Variants in SV2C observed in about 807,000 individuals in gnomAD.
The protein encoded by SV2C is synaptic vesicle glycoprotein 2C, also known as solute carrier family 22 member B3.
Under a neutral mutation model 79.7 loss-of-function variants are expected in SV2C, and 49 were observed. The ratio of observed to expected loss-of-function variants is 0.61; its 90% CI spans 0.49 to 0.78. The LOEUF (loss-of-function observed/expected upper bound fraction) is 0.78, where lower values mean the gene tolerates loss of function less well. Among genes scored for constraint, SV2C ranks in the 30% least tolerant of loss-of-function variants. The pLI is 0.00. For missense variants in SV2C, 833 were observed against 912.9 expected (o/e 0.91, Z 1.13); for synonymous variants, 334 against 333.2 (o/e 1.00, Z -0.03).
chr5:76,001,796 AC>A, the SV2C span, among the ~76,000 whole-genome samples: 1 of 152,136 alleles, frequency 6.6e-6, no homozygotes, highest in South Asian at 2.1e-4. Context: ...CCAGTCATGA[AC>A]CTTGTTTTTA....
At chr5:76,112,905 C>A (rs1024896670) in intron 1 of SV2C, among the ~76,000 whole-genome samples, 1 of 152,034 alleles carries the variant, frequency 6.6e-6, no homozygotes, top group Admixed American at 6.6e-5. Flanking sequence ...GGAGATAAGA[C>A]ACAAAAAAGC....
At chr5:76,182,293 T>G (rs1376181201) in intron 2 of SV2C, among the ~76,000 whole-genome samples, 1 of 152,142 alleles carries the variant, frequency 6.6e-6, no homozygotes, top group Non-Finnish European at 1.5e-5. Context: ...CCTCTTGTAT[T>G]TCTTTTATCA....
intron 12 of SV2C, among the ~76,000 whole-genome samples, chr5:76,320,724 G>A (rs1748800990): frequency 6.6e-6 from 1 of 152,146 alleles, no homozygotes; most frequent in Non-Finnish European, 1.5e-5. Context: ...AATTTCATTT[G>A]AAAGTAGTTA....
intron 4 of SV2C, among the ~76,000 whole-genome samples, chr5:76,223,440 C>CATAT (rs1226545104): frequency 2.8e-5 from 1 of 35,990 alleles, no homozygotes; most frequent in African/African-American, 9.7e-5. Context: ...TATATACATA[C>CATAT]ATACATATAT....
intron 1 of SV2C, among the ~76,000 whole-genome samples, chr5:76,113,512 T>C (rs950064650): frequency 2.6e-5 from 4 of 152,242 alleles, no homozygotes; most frequent in African/African-American, 9.6e-5. Context: ...ACTTGTAGTC[T>C]GATAGGGTGG....
At chr5:75,974,690 A>T in the SV2C span, among the ~76,000 whole-genome samples, 1 of 152,172 alleles carries the variant, frequency 6.6e-6, no homozygotes, top group Non-Finnish European at 1.5e-5. Context: ...ACATACGTGG[A>T]TAATAACAGA....
the SV2C span, among the ~76,000 whole-genome samples, chr5:76,071,243 A>C: frequency 6.6e-6 from 1 of 152,146 alleles, no homozygotes; most frequent in Non-Finnish European, 1.5e-5. Flanking sequence ...GCTTGATTTG[A>C]CTTTATGTCA....
chr5:75,994,305 G>A, the SV2C span, among the ~76,000 whole-genome samples: 2 of 152,072 alleles, frequency 1.3e-5, no homozygotes, highest in Non-Finnish European at 2.9e-5. Flanking sequence ...TGTCCCTGGA[G>A]GTACACAAAA....
the SV2C span, among the ~76,000 whole-genome samples, chr5:75,989,280 A>G: frequency 6.6e-6 from 1 of 151,578 alleles, no homozygotes; most frequent in African/African-American, 2.4e-5. Flanking sequence ...TCCATTAGCT[A>G]TTCTTCTTGA....
the SV2C span, among the ~76,000 whole-genome samples, chr5:75,900,390 C>T: frequency 1.3e-5 from 2 of 152,136 alleles, no homozygotes; most frequent in Admixed American, 1.3e-4. Flanking sequence ...TGAATATTGG[C>T]CCCCACTGTC....
At chr5:75,946,956 T>C in the SV2C span, among the ~76,000 whole-genome samples, 2 of 152,132 alleles carry the variant, frequency 1.3e-5, no homozygotes, top group African/African-American at 4.8e-5. Context: ...TGTTTTATTT[T>C]TGCATTTGTT....
At chr5:76,131,589 C>T (rs771279767) in intron 1 of SV2C, 61 bp from the exon 2 acceptor site, 75 of 451,444 alleles carry the variant, frequency 1.7e-4, no homozygotes, top group East Asian at 5.0e-4. Context: ...AAGAAATAGA[C>T]GGTAAAAAAT....
At chr5:76,266,193 A>G (rs549131436) in intron 4 of SV2C, among the ~76,000 whole-genome samples, 23 of 152,114 alleles carry the variant, frequency 1.5e-4, no homozygotes, top group African/African-American at 5.5e-4. Flanking sequence ...CACAGATTGT[A>G]GTTTATCCTT....
the SV2C span, among the ~76,000 whole-genome samples, chr5:76,052,118 A>G: frequency 7.9e-5 from 12 of 152,328 alleles, no homozygotes; most frequent in Non-Finnish European, 1.3e-4. Flanking sequence ...TGGGAGCTAT[A>G]TTAAAAACTG....
intron 12 of SV2C, among the ~76,000 whole-genome samples, chr5:76,312,866 A>G (rs1748501220): frequency 6.6e-6 from 1 of 152,234 alleles, no homozygotes; most frequent in Admixed American, 6.5e-5. Flanking sequence ...CACCCAGTGC[A>G]GTGGGATTGG....
In SV2C at chr5:76,260,380, C is replaced by T. The variant is rs192131243; in HGVS notation, c.914-24782C>T. 3.5e-3 allele frequency among the ~76,000 whole-genome samples: 535 copies of T among 152,160 alleles called. 3 individuals carry two copies. Among genetic ancestry groups the T allele is most frequent in the Middle Eastern group, 0.01 (3 of 294 alleles). On this transcript the variant is annotated intron_variant, in intron 4 of 12. Transcript: ENST00000502798. ...TGGATAGATTGCAAAAATTTTCTCC[C>T]GTTCTGTAGGTTGCCTGTTCACGCT...
intron 9 of SV2C, 68 bp from the exon 10 acceptor site, chr5:76,298,726 T>C: frequency 6.4e-7 from 1 of 1,568,542 alleles, no homozygotes; most frequent in East Asian, 2.2e-5. Context: ...CTAAAACTAT[T>C]TGACTTAGCT....
chr5:76,189,206 G>GA (rs70979381), intron 2 of SV2C, among the ~76,000 whole-genome samples: 16,908 of 147,498 alleles, frequency 0.11, 1,100 homozygotes, highest in Non-Finnish European at 0.15. Flanking sequence ...AGCATAAAAT[G>GA]AAAAAAAAAA....
At chr5:76,281,609 C>T (rs78999086) in intron 4 of SV2C, among the ~76,000 whole-genome samples, 67 of 152,238 alleles carry the variant, frequency 4.4e-4, no homozygotes, top group Non-Finnish European at 7.9e-4. Flanking sequence ...AAAGTTTAAA[C>T]GGATTCGCAG....
Sources: gnomAD v4.1 joint callset for allele counts (sites outside exome capture counted in the v4.1 genomes callset) on GRCh38, gnomAD v4.1.1 for gene constraint, MANE v1.5 for transcripts, NCBI Gene and HGNC (gene_info 2026-07-23, HGNC 2026-07-21) for gene names.